Variants in LMTK2 observed in about 807,000 individuals in gnomAD.
LMTK2 encodes the protein serine/threonine-protein kinase LMTK2.
LMTK2 carries 37 observed loss-of-function variants against 127.5 expected under a neutral mutation model. The ratio of observed to expected loss-of-function variants is 0.29; its 90% CI spans 0.22 to 0.38. LMTK2 has a LOEUF of 0.38. Among genes scored for constraint, LMTK2 ranks in the 10% least tolerant of loss-of-function variants. The probability of loss-of-function intolerance (pLI) is 1.00; values close to 1 mark genes in which losing one functional copy is unlikely to be tolerated. For missense variants in LMTK2, 1,694 were observed against 1,920.3 expected (o/e 0.88, Z 2.20); for synonymous variants, 819 against 810.1 (o/e 1.01, Z -0.19).
intron 7 of LMTK2, among the ~76,000 whole-genome samples, chr7:98,183,372 A>T (rs1029582737): frequency 3.3e-5 from 5 of 152,038 alleles, no homozygotes; most frequent in African/African-American, 4.8e-5. Flanking sequence ...ACACTCCCTT[A>T]TATGGAATTT....
At chr7:98,164,043 A>T (rs905661050) in intron 6 of LMTK2, among the ~76,000 whole-genome samples, 1 of 152,250 alleles carries the variant, frequency 6.6e-6, no homozygotes, top group African/African-American at 2.4e-5. Context: ...CACTTACTTA[A>T]TTCCTTGTAA....
intron 3 of LMTK2, among the ~76,000 whole-genome samples, chr7:98,149,512 G>A (rs919824346): frequency 2.6e-5 from 4 of 152,222 alleles, no homozygotes; most frequent in Non-Finnish European, 5.9e-5. Flanking sequence ...TTCCACTGCT[G>A]TCAGTTAATT....
chr7:98,112,839 G>A lies in LMTK2; in HGVS notation c.103+5559G>A, dbSNP rs575242929. Reference sequence around the variant, plus strand: ...TGAGAACTGAGGTAGCACAACCTCAGCTCCCCACTGCAGAACAGAAGAAAG... The same window carrying A: ...TGAGAACTGAGGTAGCACAACCTCAACTCCCCACTGCAGAACAGAAGAAAG... On this transcript the variant is annotated intron_variant, in intron 1 of 13. Transcript: ENST00000297293. 2.6e-5 allele frequency among the ~76,000 whole-genome samples: 4 copies of A among 152,202 alleles called. No individual in the cohort carries two copies. In the East Asian group the frequency reaches 5.8e-4, roughly 22 times the overall value.
At chr7:98,190,671 T>G (rs1246347430) in intron 9 of LMTK2, 57 bp from the exon 10 acceptor site, 3 of 1,515,708 alleles carry the variant, frequency 2.0e-6, no homozygotes, top group Non-Finnish European at 2.7e-6. Context: ...CAAGTATGAG[T>G]GTTAAAAATT....
At chr7:98,198,915 A>G (rs1330895906) in intron 11 of LMTK2, among the ~76,000 whole-genome samples, 2 of 152,184 alleles carry the variant, frequency 1.3e-5, no homozygotes, top group South Asian at 4.1e-4. Flanking sequence ...TCTTGGGAGC[A>G]TAGATTAACA....
chr7:98,127,340 C>T (rs1487767937), intron 1 of LMTK2, among the ~76,000 whole-genome samples: 10 of 152,148 alleles, frequency 6.6e-5, no homozygotes, highest in Admixed American at 1.3e-4. Flanking sequence ...AAGGCCCAAA[C>T]GATGTGTTTT....
chr7:98,117,426 A>G (rs1056792518), intron 1 of LMTK2, among the ~76,000 whole-genome samples: 1 of 152,046 alleles, frequency 6.6e-6, no homozygotes, highest in African/African-American at 2.4e-5. Context: ...TATTTATTTT[A>G]TACTTCGAGT....
intron 11 of LMTK2, among the ~76,000 whole-genome samples, chr7:98,200,809 T>A (rs910714415): frequency 6.6e-6 from 1 of 152,226 alleles, no homozygotes; most frequent in South Asian, 2.1e-4. Flanking sequence ...TATACTGTAT[T>A]ATTTATTTTG....
At position 98,171,401 on chromosome 7, in the gene LMTK2, G is replaced by A. The variant is rs1797188523; in HGVS notation, c.658-140G>A. ...TAGTGTTCTATACTTTCGCAGTATT[G>A]GGTTGGAACTTCTTTAAGTATGAAC... is the stretch of plus-strand genomic sequence containing the variant. On this transcript the variant is annotated intron_variant, in intron 6 of 13. Coordinates refer to ENST00000297293, the MANE Select transcript of LMTK2 (RefSeq NM_014916.4). The surrounding 1 kb of genome is among the most constrained non-coding windows in gnomAD (Gnocchi z 5.1). The A allele has an allele frequency of 3.0e-6, 3 of 1,009,372 alleles. No homozygotes were observed. Among genetic ancestry groups the A allele is most frequent in the Non-Finnish European group, 4.6e-6 (3 of 654,086 alleles). 62.5% of individuals were successfully genotyped at this position (1,009,372 alleles called of 1,614,324 possible).
intron 1 of LMTK2, among the ~76,000 whole-genome samples, chr7:98,120,470 GTT>G (rs1487518114): frequency 6.6e-6 from 1 of 152,136 alleles, no homozygotes; most frequent in Non-Finnish European, 1.5e-5. Flanking sequence ...TAAAATATCT[GTT>G]TTAACCAACT....
At position 98,194,436 on chromosome 7, in the gene LMTK2, A is replaced by G. The variant is rs1191133129; in HGVS notation, c.3971A>G (p.Asn1324Ser). 1 of 1,614,130 alleles carries G rather than the reference A, an allele frequency of 6.2e-7. No individual in the cohort carries two copies. The highest frequency in any genetic ancestry group is 8.5e-7 in the Non-Finnish European group (1 of 1,180,038). The change falls in exon 11 of 14, where the codon AAC becomes AGC. Residue 1324 changes from asparagine (N) to serine (S), a missense_variant. Physicochemically the swap from Asn to Ser is conservative, Grantham distance 46 (BLOSUM62 1). Coordinates refer to ENST00000297293, the MANE Select transcript of LMTK2 (RefSeq NM_014916.4). The surrounding 1 kb of genome is among the most constrained non-coding windows in gnomAD (Gnocchi z 5.4). ...CACCCCGTGCCCATCATCCTCAGCAACGAGGACGGAAGGCACCTGCGGAGT... is the reference window on the plus strand; with the variant it reads ...CACCCCGTGCCCATCATCCTCAGCAGCGAGGACGGAAGGCACCTGCGGAGT... ...TEHPVPIILS[N>S]EDGRHLRSLL... is the part of the protein sequence containing the mutation.
chr7:98,108,443 C>T (rs1197650488), intron 1 of LMTK2, among the ~76,000 whole-genome samples: 1 of 152,152 alleles, frequency 6.6e-6, no homozygotes, highest in African/African-American at 2.4e-5. Context: ...TAATTGCTTC[C>T]AGAGCTACAT....
rs77057379 is a variant in LMTK2, at chr7:98,194,837, T to A, written c.4107+265T>A. ...GGAGTCTTCCTGAATTAGTCACCCTTTACACACCAAATTTTTACTGTTTTA... is the reference window on the plus strand; with the variant it reads ...GGAGTCTTCCTGAATTAGTCACCCTATACACACCAAATTTTTACTGTTTTA... On this transcript the variant is annotated intron_variant, in intron 11 of 13. Coordinates refer to ENST00000297293, the MANE Select transcript of LMTK2 (RefSeq NM_014916.4). The surrounding 1 kb of genome is among the most constrained non-coding windows in gnomAD (Gnocchi z 5.4). 1.3e-3 allele frequency among the ~76,000 whole-genome samples: 191 copies of A among 152,278 alleles called. 1 individual carries two copies. The highest frequency in any genetic ancestry group is 4.4e-3 in the African/African-American group (181 of 41,544).
At chr7:98,177,649 T>C (rs939288211) in intron 7 of LMTK2, among the ~76,000 whole-genome samples, 3 of 152,144 alleles carry the variant, frequency 2.0e-5, no homozygotes, top group African/African-American at 7.2e-5. Flanking sequence ...ACTATACATA[T>C]GCACCATCAG....
chr7:98,154,541 G>A (rs1796899970), intron 4 of LMTK2, among the ~76,000 whole-genome samples: 1 of 152,156 alleles, frequency 6.6e-6, no homozygotes, highest in Admixed American at 6.5e-5. Flanking sequence ...ATAAATATGT[G>A]AATATTGTAA....
chr7:98,145,329 G>T (rs1796756661), intron 3 of LMTK2, among the ~76,000 whole-genome samples: 1 of 151,492 alleles, frequency 6.6e-6, no homozygotes, highest in Non-Finnish European at 1.5e-5. Flanking sequence ...TGATGCACAG[G>T]ATTCCTAATT....
chr7:98,158,113 G>T, intron 5 of LMTK2, among the ~76,000 whole-genome samples: 1 of 152,108 alleles, frequency 6.6e-6, no homozygotes, highest in East Asian at 1.9e-4. Flanking sequence ...AATTATTTTG[G>T]CATACCTTTT....
At chr7:98,132,141 A>C (rs1562899792) in intron 1 of LMTK2, among the ~76,000 whole-genome samples, 1 of 152,164 alleles carries the variant, frequency 6.6e-6, no homozygotes, top group Non-Finnish European at 1.5e-5. Flanking sequence ...AATCAGAACA[A>C]CCACAACGGA....
chr7:98,161,933 C>T (rs750801552), intron 6 of LMTK2, among the ~76,000 whole-genome samples: 8 of 152,226 alleles, frequency 5.3e-5, no homozygotes, highest in South Asian at 2.1e-4. Context: ...GAAATAGAGC[C>T]GGAGGCAGCA....
Sources: gnomAD v4.1 joint callset for allele counts (sites outside exome capture counted in the v4.1 genomes callset) on GRCh38, gnomAD v4.1.1 for gene constraint, Gnocchi (gnomAD v3.1) non-coding constraint, MANE v1.5 for transcripts, NCBI Gene and HGNC (gene_info 2026-07-23, HGNC 2026-07-21) for gene names.